The following SPATA31H1 variants were observed in gnomAD, a reference collection of about 807,000 sequenced individuals.
SPATA31H1 encodes SPATA31 subfamily H member 1, also known as spermatogenesis-associated protein 31H1.
At chr2:27,541,463 A>G in the SPATA31H1 span, among the ~76,000 whole-genome samples, 4 of 152,080 alleles carry the variant, frequency 2.6e-5, no homozygotes, top group Admixed American at 6.5e-5. Context: ...ATCATTTTCT[A>G]TGAGGACTAC....
At chr2:27,571,810 C>T in the SPATA31H1 span, 1 of 398,466 alleles carries the variant, frequency 2.5e-6, no homozygotes, top group Admixed American at 4.4e-5. Flanking sequence ...GTAAAGTTGA[C>T]CCCATGGCAA....
At chr2:27,580,593 C>T in the SPATA31H1 span, 1 of 1,614,156 alleles carries the variant, frequency 6.2e-7, no homozygotes, top group Non-Finnish European at 8.5e-7. Context: ...AAAAAGACAA[C>T]CTAAGAAACC....
chr2:27,539,390 C>T, the SPATA31H1 span, among the ~76,000 whole-genome samples: 10 of 128,786 alleles, frequency 7.8e-5, no homozygotes, highest in Admixed American at 4.7e-4. Flanking sequence ...CCATTTAACC[C>T]TGAGTGGACA....
the SPATA31H1 span, among the ~76,000 whole-genome samples, chr2:27,540,470 G>A: frequency 1.6e-4 from 20 of 122,744 alleles, no homozygotes; most frequent in African/African-American, 4.0e-4. Flanking sequence ...AGTAGGGGCG[G>A]CCGGGCAGAG....
At chr2:27,565,161 C>A in the SPATA31H1 span, among the ~76,000 whole-genome samples, 1 of 152,040 alleles carries the variant, frequency 6.6e-6, no homozygotes, top group Admixed American at 6.5e-5. Flanking sequence ...CTCTATATTC[C>A]CTGATATTTA....
the SPATA31H1 span, chr2:27,570,260 G>A: frequency 5.0e-6 from 2 of 398,694 alleles, no homozygotes; most frequent in Admixed American, 4.4e-5. Context: ...TTGAAGATAT[G>A]AAATCTGTTC....
chr2:27,572,381 A>G, the SPATA31H1 span: 12 of 398,296 alleles, frequency 3.0e-5, no homozygotes, highest in African/African-American at 1.9e-4. Context: ...TAAAATCTGT[A>G]GGGTTAAATC....
At chr2:27,560,180 A>G in the SPATA31H1 span, among the ~76,000 whole-genome samples, 47 of 152,182 alleles carry the variant, frequency 3.1e-4, no homozygotes, top group African/African-American at 1.0e-3. Flanking sequence ...ATTTCTTTAA[A>G]TATAATATGC....
the SPATA31H1 span, chr2:27,568,742 G>A: frequency 2.5e-6 from 1 of 399,000 alleles, no homozygotes; most frequent in Non-Finnish European, 4.4e-6. Context: ...CAGTACTATT[G>A]CTTGAAGATG....
chr2:27,545,892 G>A, the SPATA31H1 span, among the ~76,000 whole-genome samples: 2 of 151,956 alleles, frequency 1.3e-5, no homozygotes, highest in Admixed American at 1.3e-4. Flanking sequence ...ACTCTGGTGA[G>A]TCTGTGTGGT....
chr2:27,537,699 C>A, the SPATA31H1 span: 2 of 627,438 alleles, frequency 3.2e-6, no homozygotes, highest in Admixed American at 2.8e-5. Context: ...CATGGATAGT[C>A]TTCCTATAGA....
the SPATA31H1 span, among the ~76,000 whole-genome samples, chr2:27,547,189 T>C: frequency 6.6e-6 from 1 of 151,610 alleles, no homozygotes; most frequent in Non-Finnish European, 1.5e-5. Context: ...TTTTTTTTTT[T>C]TTTTGAGACA....
chr2:27,537,449 A>G, the SPATA31H1 span: 2 of 717,444 alleles, frequency 2.8e-6, no homozygotes. Context: ...TGGGGGATGG[A>G]CGTCCCACTG....
the SPATA31H1 span, chr2:27,575,454 G>C: frequency 2.5e-6 from 1 of 398,404 alleles, no homozygotes; most frequent in African/African-American, 2.1e-5. This position sits in a 1 kb window ranked among gnomAD's most constrained non-coding sequence, Gnocchi z 4.1. Flanking sequence ...ACAGTTGCAA[G>C]GTGTGAAATC....
chr2:27,542,860 G>T, the SPATA31H1 span, among the ~76,000 whole-genome samples: 1 of 151,992 alleles, frequency 6.6e-6, no homozygotes, highest in Non-Finnish European at 1.5e-5. Flanking sequence ...ACTTTGGGAG[G>T]CTGAGGCAGG....
At chr2:27,550,867 T>C in the SPATA31H1 span, among the ~76,000 whole-genome samples, 4 of 151,896 alleles carry the variant, frequency 2.6e-5, no homozygotes, top group Admixed American at 6.6e-5. Flanking sequence ...ATGTTCATGA[T>C]GCTTTTGTTT....
At chr2:27,560,679 G>C in the SPATA31H1 span, among the ~76,000 whole-genome samples, 3 of 151,914 alleles carry the variant, frequency 2.0e-5, no homozygotes, top group African/African-American at 7.3e-5. Context: ...GGATGGTCTC[G>C]ATCTCCTGAC....
chr2:27,581,416 G>A, the SPATA31H1 span: 1 of 1,613,890 alleles, frequency 6.2e-7, no homozygotes, highest in Non-Finnish European at 8.5e-7. Flanking sequence ...AGAAATCACT[G>A]CAGTCCCCCC....
chr2:27,581,253 C>T, the SPATA31H1 span: 1 of 1,614,228 alleles, frequency 6.2e-7, no homozygotes, highest in Non-Finnish European at 8.5e-7. Flanking sequence ...CCGTCATAAC[C>T]CCTCTTGGAG....
Sources: gnomAD v4.1 joint callset for allele counts (sites outside exome capture counted in the v4.1 genomes callset) on GRCh38, gnomAD v4.1.1 for gene constraint, Gnocchi (gnomAD v3.1) non-coding constraint, MANE v1.5 for transcripts, NCBI Gene and HGNC (gene_info 2026-07-23, HGNC 2026-07-21) for gene names.